The following TTC34 variants were observed in gnomAD, a reference collection of about 807,000 sequenced individuals.
The protein encoded by TTC34 is tetratricopeptide repeat domain 34, also known as tetratricopeptide repeat protein 34.
A neutral mutation model predicts 40.7 loss-of-function variants in TTC34; 44 were observed. The observed-to-expected ratio is 1.08, with a 90% CI of 0.85 to 1.39. The LOEUF (loss-of-function observed/expected upper bound fraction) is 1.39. TTC34 is among the 40% of genes most tolerant of loss of function. The probability of loss-of-function intolerance (pLI) is 0.00; values close to 1 mark genes in which losing one functional copy is unlikely to be tolerated. For synonymous variants in TTC34, 422 were observed against 398.6 expected (o/e 1.06, Z -0.70); for missense variants, 884 against 838.0 (o/e 1.05, Z -0.68).
At chr1:2,654,884 G>T (rs1264798065) in intron 6 of TTC34, among the ~76,000 whole-genome samples, 1 of 148,926 alleles carries the variant, frequency 6.7e-6, no homozygotes, top group Non-Finnish European at 1.5e-5. Context: ...GCCTGGAGCA[G>T]CACCCACACT....
intron 6 of TTC34, among the ~76,000 whole-genome samples, chr1:2,777,622 C>T (rs1230397008): frequency 6.8e-6 from 1 of 147,256 alleles, no homozygotes. Context: ...AGCCCCAGCG[C>T]TGAGTCAGAG....
chr1:2,777,688 T>TGGG (rs70956335), intron 6 of TTC34, among the ~76,000 whole-genome samples: 1,842 of 120,216 alleles, frequency 0.015, 63 homozygotes, highest in East Asian at 0.043. Flanking sequence ...GCAGAGGGCA[T>TGGG]GGGGGGGGGG....
intron 6 of TTC34, among the ~76,000 whole-genome samples, chr1:2,751,911 T>C (rs1230269690): frequency 3.3e-5 from 2 of 61,270 alleles, no homozygotes; most frequent in East Asian, 7.9e-4. Context: ...CATCTGATGG[T>C]CTGGAGCAGC....
At chr1:2,699,004 C>G (rs1187763627) in intron 6 of TTC34, among the ~76,000 whole-genome samples, 4 of 137,742 alleles carry the variant, frequency 2.9e-5, no homozygotes, top group Admixed American at 7.4e-5. Flanking sequence ...TGGAAAGGCA[C>G]CCACACCACC....
At chr1:2,644,474 G>A (rs1230318874) in exon 8 of TTC34, 2 of 1,532,962 alleles carry the variant, frequency 1.3e-6, no homozygotes, top group Non-Finnish European at 1.7e-6. Context: ...CTTCCTCGTA[G>A]CTGCCTGTCA....
At position 2,796,313 on chromosome 1, in the gene TTC34, G is replaced by A. The variant is rs944317802; in HGVS notation, c.784+3731C>T. 4.6e-5 allele frequency among the ~76,000 whole-genome samples: 7 copies of A among 152,210 alleles called. No homozygotes were observed. Among genetic ancestry groups the A allele is most frequent in the African/African-American group, 1.4e-4 (6 of 41,450 alleles). ...ACCTCCAGATGGAAGGTCATTTGTT[G>A]CAGGAAACTGCATCTGTAAAAAGTC... On this transcript the variant is annotated intron_variant, in intron 2 of 8. Coordinates refer to ENST00000401095, the Ensembl canonical transcript of TTC34. This position sits in a 1 kb window ranked among gnomAD's most constrained non-coding sequence, Gnocchi z 4.5.
chr1:2,790,155 C>G (rs1355959612), exon 3 of TTC34: 1 of 398,284 alleles, frequency 2.5e-6, no homozygotes, highest in African/African-American at 2.1e-5. Context: ...AAGCCCACGT[C>G]CGCGGCCTCC....
intron 6 of TTC34, chr1:2,775,741 G>T (rs1187766538): frequency 6.8e-6 from 1 of 146,282 alleles, no homozygotes; most frequent in African/African-American, 2.7e-5. Flanking sequence ...GCCTAGAGCG[G>T]CACCTGCACA....
chr1:2,685,134 G>C lies in TTC34; in HGVS notation c.2227-39571C>G, dbSNP rs182569778. Among the ~76,000 whole-genome samples the C allele has an allele frequency of 2.1e-3, 33 of 15,412 alleles. 1 individual carries two copies. The highest frequency in any genetic ancestry group is 0.014 in the Admixed American group (23 of 1,660). 10.1% of individuals were successfully genotyped at this position (15,412 alleles called of 152,430 possible). A position where few individuals can be genotyped will look rare whatever the true frequency, so the allele number is the denominator to read the frequency against. Reference sequence around the variant, plus strand: ...GCACCCACACCCCCAGGCGAGCATCGGACGGCCTGGAACAGCACCCACAAC... The same window carrying C: ...GCACCCACACCCCCAGGCGAGCATCCGACGGCCTGGAACAGCACCCACAAC... On this transcript the variant is annotated intron_variant, in intron 6 of 8. Coordinates refer to ENST00000401095, the Ensembl canonical transcript of TTC34.
At chr1:2,756,880 T>A (rs1347716064) in intron 6 of TTC34, among the ~76,000 whole-genome samples, 7,210 of 105,352 alleles carry the variant, frequency 0.068, 22 homozygotes, top group African/African-American at 0.093. Flanking sequence ...CAGGTGAGCA[T>A]CTGATGGTCT....
intron 6 of TTC34, among the ~76,000 whole-genome samples, chr1:2,751,706 C>A (rs1361345402): frequency 4.8e-5 from 7 of 146,008 alleles, no homozygotes; most frequent in Non-Finnish European, 1.1e-4. Context: ...GAGCATCCGA[C>A]AGCCTGGAGC....
chr1:2,773,380 C>G (rs1642640454), intron 6 of TTC34, among the ~76,000 whole-genome samples: 1 of 97,968 alleles, frequency 1.0e-5, no homozygotes, highest in African/African-American at 3.5e-5. Context: ...ACCCACACCC[C>G]CAGGTGAGCA....
At chr1:2,693,776 A>G (rs1279712266) in intron 6 of TTC34, among the ~76,000 whole-genome samples, 41 of 46,976 alleles carry the variant, frequency 8.7e-4, no homozygotes, top group Non-Finnish European at 9.9e-4. Context: ...AGCCTGGAGC[A>G]GCACCCACAC....
intron 6 of TTC34, among the ~76,000 whole-genome samples, chr1:2,756,024 C>G (rs1269851466): frequency 1.2e-5 from 1 of 86,898 alleles, no homozygotes; most frequent in African/African-American, 7.9e-5. Context: ...AGCACACACA[C>G]CCCCAGGCGA....
chr1:2,789,946 C>T (rs1643643592), exon 3 of TTC34: 1 of 393,418 alleles, frequency 2.5e-6, no homozygotes, highest in African/African-American at 2.1e-5. Flanking sequence ...GCAGCAGGCG[C>T]TCGCACATGG....
intron 6 of TTC34, among the ~76,000 whole-genome samples, chr1:2,683,720 G>T (rs1237457151): frequency 4.0e-5 from 6 of 149,170 alleles, no homozygotes; most frequent in Non-Finnish European, 5.9e-5. Context: ...ACACCCCCAG[G>T]TGAGCAGCTG....
chr1:2,687,877 G>C (rs1640437111), intron 6 of TTC34, among the ~76,000 whole-genome samples: 1 of 149,626 alleles, frequency 6.7e-6, no homozygotes, highest in African/African-American at 2.5e-5. Flanking sequence ...GCCTGGAACA[G>C]AACCCACATC....
At chr1:2,697,750 GGAAGAGCAACCACACCCCCAGGCGAGCAT>G (rs1640935379) in intron 6 of TTC34, among the ~76,000 whole-genome samples, 1 of 130,334 alleles carries the variant, frequency 7.7e-6, no homozygotes. Flanking sequence ...CTGACAGCCT[GGAAGAGCAACCACACCCCCAGGCGAGCAT>G]CTGACAGCCT....
At chr1:2,765,715 C>G (rs1342034558) in intron 6 of TTC34, among the ~76,000 whole-genome samples, 1 of 49,416 alleles carries the variant, frequency 2.0e-5, no homozygotes, top group African/African-American at 2.0e-4. Flanking sequence ...AGCATGCACA[C>G]CCCCAGGCGA....
Sources: gnomAD v4.1 joint callset for allele counts (sites outside exome capture counted in the v4.1 genomes callset) on GRCh38, gnomAD v4.1.1 for gene constraint, Gnocchi (gnomAD v3.1) non-coding constraint, MANE v1.5 for transcripts, NCBI Gene and HGNC (gene_info 2026-07-23, HGNC 2026-07-21) for gene names.